Variants in PKD1 observed in about 807,000 individuals in gnomAD.
PKD1 encodes polycystin 1, transient receptor potential channel interacting, also known as polycystin-1.
Under a neutral mutation model 361.7 loss-of-function variants are expected in PKD1, and 81 were observed. The observed-to-expected ratio is 0.22, with a 90% confidence interval of 0.19 to 0.27. The LOEUF (loss-of-function observed/expected upper bound fraction) is 0.27, where lower values mean the gene tolerates loss of function less well. PKD1 is among the 10% of genes least tolerant of loss of function. The pLI is 1.00. For missense variants in PKD1, 6,399 were observed against 6,118.3 expected, an observed-to-expected ratio of 1.05 and a Z score of -1.53; for synonymous variants, 3,615 against 2,818.3, an observed-to-expected ratio of 1.28 and a Z score of -8.95.
rs2092133873 is a variant in PKD1 at position 2,102,419 on chromosome 16, G to A, written c.9163C>T (p.Leu3055Phe). 2.6e-6 allele frequency: 4 copies of A among 1,552,656 alleles called. 1 individual carries two copies. In the South Asian group the frequency reaches 3.5e-5, roughly 14 times the overall value. ...TRHLTAFGAS[L>F]FVPPSHVRFV... Reference sequence around the variant, plus strand: ...CGGACATGGCTTGGGGGCACGAAGAGGCTGGCGCCGAAGGCGGTGAGGTGG... The same window carrying A: ...CGGACATGGCTTGGGGGCACGAAGAAGCTGGCGCCGAAGGCGGTGAGGTGG... Residue 3055 changes from leucine to phenylalanine, a missense_variant, in exon 25 of 46, where the codon CTC (leucine) becomes TTC (phenylalanine). Leu to Phe is a conservative substitution (Grantham distance 22). Transcript: ENST00000262304.
intron 34 of PKD1, among the ~76,000 whole-genome samples, chr16:2,095,857 G>A (rs574303529): frequency 4.8e-4 from 73 of 152,322 alleles, no homozygotes; most frequent in African/African-American, 1.5e-3. Context: ...GCTTTGGGCC[G>A]GAGATACCTG....
intron 16 of PKD1, chr16:2,107,495 C>T (rs548192824): frequency 2.1e-5 from 8 of 379,024 alleles, no homozygotes; most frequent in Admixed American, 3.9e-5. Context: ...GCAGCCACCA[C>T]GGGCTCAGGG....
Position 2,110,241 on chromosome 16 carries a change from G to C in PKD1, c.4926C>G (p.Arg1642=), listed in dbSNP as rs758591904. ...IEGLQVVGGG[R]YFPTNHTVQL... ...GTACCGTGTGGTTGGTGGGGAAGTA[G>C]CGGCCACCGCCCACCACCTGCAGCC... The change falls in exon 15 of 46, where the codon CGC becomes CGG. Residue 1642 remains arginine (R), a synonymous_variant. Transcript: ENST00000262304. 6.2e-7 allele frequency: 1 copy of C among 1,612,060 alleles called. No individual in the cohort carries two copies. Among genetic ancestry groups the C allele is most frequent in the Non-Finnish European group, 8.5e-7 (1 of 1,179,696 alleles).
Position 2,102,892 on chromosome 16 carries a change from C to A in PKD1, c.8870G>T (p.Cys2957Phe), listed in dbSNP as rs2092155699. Residue 2957 changes from cysteine to phenylalanine, a missense_variant, in exon 24 of 46, where the codon TGC (cysteine) becomes TTC (phenylalanine). Cys to Phe is a radical substitution (Grantham distance 205, BLOSUM62 -2). Coordinates refer to ENST00000262304, the MANE Select transcript of PKD1 (RefSeq NM_001009944.3). The stretch of plus-strand genomic sequence containing the variant: ...TGGGCGGATCCTCCTGCTAGCCGAG[C>A]AGTTGTGCTCATTGGGCCGGGGCTC... The part of the protein sequence containing the change: ...HSEPRPNEHN[C>F]SASRRIRPES... 2 of 1,610,100 alleles carry A rather than the reference C, an allele frequency of 1.2e-6. No individual in the cohort carries two copies. Among genetic ancestry groups the A allele is most frequent in the African/African-American group, 2.7e-5 (2 of 74,990 alleles).
Position 2,091,470 on chromosome 16 carries a change from C to A in PKD1, c.11665G>T (p.Ala3889Ser), listed in dbSNP as rs1300036375. 1.4e-5 allele frequency: 19 copies of A among 1,328,698 alleles called. No homozygotes were observed. Among genetic ancestry groups the A allele is most frequent in the Non-Finnish European group, 1.8e-5 (19 of 1,044,072 alleles). 82.3% of individuals were successfully genotyped at this position (1,328,698 alleles called of 1,614,324 possible). The change falls in exon 42 of 46, where the codon GCG becomes TCG. Residue 3889 changes from alanine to serine, a missense_variant. Transcript: ENST00000262304. ...ALAALSVRPF[A>S]LRRLSAGLSL... Reference sequence around the variant, plus strand: ...AGGCCCGCGCTGAGGCGGCGCAGCGCAAAGGGGCGGACGCTGAGGGCGGCC... The same window carrying A: ...AGGCCCGCGCTGAGGCGGCGCAGCGAAAAGGGGCGGACGCTGAGGGCGGCC...
At chr16:2,091,369 G>C (rs1368382047) in intron 42 of PKD1, 54 bp downstream of exon 42, 10 of 1,006,116 alleles carry the variant, frequency 9.9e-6, no homozygotes, top group Non-Finnish European at 1.2e-5. Flanking sequence ...GGCCCCGCGA[G>C]GGGGCGGGAC....
rs540447857 is a variant in PKD1, at chr16:2,097,138, G to A, written c.10499+10C>T. 7.0e-5 allele frequency: 96 copies of A among 1,361,862 alleles called. No homozygotes were observed. In the East Asian group the frequency reaches 2.3e-3, roughly 33 times the overall value. 84.4% of individuals were successfully genotyped at this position (1,361,862 alleles called of 1,614,324 possible). On this transcript the variant is annotated intron_variant, in intron 34 of 45. Coordinates refer to ENST00000262304, the MANE Select transcript of PKD1 (RefSeq NM_001009944.3). ...GGCAATCCCCCCTCCCCCGAGAGCC[G>A]GACACTCACAGGCTGCTGAGCAGGT...
At position 2,114,444 on chromosome 16, in the gene PKD1, C is replaced by T. The variant is rs540303695; in HGVS notation, c.2579G>A (p.Arg860His). ...GGCGCTGACACTGCCCCCAGGCCAG[C>T]GAGCCGTGGCCGTGGCGTTGGCACC... ...DSGANATATARWPGGSVSARF... is the reference protein window; with the variant it reads ...DSGANATATAHWPGGSVSARF... Residue 860 changes from arginine to histidine, a missense_variant, in exon 11 of 46, where the codon CGC becomes CAC. Coordinates refer to ENST00000262304, the MANE Select transcript of PKD1 (RefSeq NM_001009944.3). 17 of 1,598,084 alleles carry T rather than the reference C, an allele frequency of 1.1e-5. No homozygotes were observed. Among genetic ancestry groups the T allele is most frequent in the African/African-American group, 5.3e-5 (4 of 74,958 alleles).
In PKD1 at chr16:2,088,894, C is replaced by CT; in HGVS notation, c.*832_*833insA. 1.2e-5 allele frequency: 5 copies of CT among 432,274 alleles called. No homozygotes were observed. Among genetic ancestry groups the CT allele is most frequent in the Admixed American group, 3.9e-5 (1 of 25,746 alleles). The allele number at this position is 432,274 out of a possible 1,614,324, so 26.8% of individuals were successfully genotyped here. On this transcript the variant is annotated 3_prime_UTR_variant, in exon 46 of 46. Coordinates refer to ENST00000262304, the MANE Select transcript of PKD1 (RefSeq NM_001009944.3). Reference sequence around the variant, plus strand: ...GCGTGCGCGCGCGCACACACACACACACACAGTCACCTTCCTCCACCCTGG... The same window carrying CT: ...GCGTGCGCGCGCGCACACACACACACTACACAGTCACCTTCCTCCACCCTGG...
intron 1 of PKD1, chr16:2,123,347 C>A (rs1260722669): frequency 5.5e-6 from 2 of 366,002 alleles, no homozygotes; most frequent in Middle Eastern, 6.8e-4. Flanking sequence ...GGTGTGGAAG[C>A]GTCTGCCCTG....
Position 2,103,266 on chromosome 16 carries a change from C to T in PKD1, c.8791G>A (p.Gly2931Ser), listed in dbSNP as rs142733588. 147 of 1,609,522 alleles carry T rather than the reference C, an allele frequency of 9.1e-5. No individual in the cohort carries two copies. The highest frequency in any genetic ancestry group is 4.5e-4 in the Middle Eastern group (2 of 4,426). ...CGTGTGCCCCACCCGCTGCACGCACCGTCCAGCAGCGTATAGTTGAGCTGC... is the reference window on the plus strand; with the variant it reads ...CGTGTGCCCCACCCGCTGCACGCACTGTCCAGCAGCGTATAGTTGAGCTGC... ...HLQLNYTLLD[G>S]HYLSEEPEPY... Residue 2931 changes from glycine to serine, a missense_variant and splice_region_variant, in exon 23 of 46, where the codon GGC becomes AGC. Gly to Ser is a moderately conservative substitution (Grantham distance 56). Transcript: ENST00000262304.
In PKD1 at chr16:2,117,572, C is replaced by A; in HGVS notation, c.1302G>T (p.Glu434Asp). ...CGGCCCCGGCCCAGGCCTGACACTG[C>A]TCCTGCGCCTGCAGCCAGGCCGCCT... ...VEKAAWLQAQ[E>D]QCQAWAGAAL... The change falls in exon 6 of 46, where the codon GAG (glutamate) becomes GAT (aspartate). Residue 434 changes from glutamate to aspartate, a missense_variant. By Grantham distance (45) the Glu-to-Asp change is conservative. Coordinates refer to ENST00000262304, the MANE Select transcript of PKD1 (RefSeq NM_001009944.3). 6.2e-7 allele frequency: 1 copy of A among 1,607,190 alleles called. No individual in the cohort carries two copies. Among genetic ancestry groups the A allele is most frequent in the Non-Finnish European group, 8.5e-7 (1 of 1,178,098 alleles).
Position 2,088,892 on chromosome 16 carries a change from C to G in PKD1, c.*835G>C. On this transcript the variant is annotated 3_prime_UTR_variant, in exon 46 of 46. Coordinates refer to ENST00000262304, the MANE Select transcript of PKD1 (RefSeq NM_001009944.3). ...GCGCGTGCGCGCGCGCACACACACA[C>G]ACACACAGTCACCTTCCTCCACCCT... 1.1e-5 allele frequency: 5 copies of G among 445,944 alleles called. No individual in the cohort carries two copies. The highest frequency in any genetic ancestry group is 3.9e-5 in the Admixed American group (1 of 25,904). 27.6% of individuals were successfully genotyped at this position (445,944 alleles called of 1,614,324 possible). A position where few individuals can be genotyped will look rare whatever the true frequency, so the allele number is the denominator to read the frequency against.
In PKD1 at chr16:2,114,290, C is replaced by G; in HGVS notation, c.2733G>C (p.Val911=). The G allele has an allele frequency of 1.9e-6, 3 of 1,610,480 alleles. No individual in the cohort carries two copies. Among genetic ancestry groups the G allele is most frequent in the Non-Finnish European group, 2.5e-6 (3 of 1,179,672 alleles). ...WLSEGEHVVD[V]VVENSASRAN... The stretch of plus-strand genomic sequence containing the variant: ...CCCGGCTGGCGCTGTTTTCCACCAC[C>G]ACGTCCACCACGTGCTCCCCCTCAC... Residue 911 remains valine (V), a synonymous_variant, in exon 11 of 46, where the codon GTG becomes GTC. Coordinates refer to ENST00000262304, the MANE Select transcript of PKD1 (RefSeq NM_001009944.3).
intron 1 of PKD1, among the ~76,000 whole-genome samples, chr16:2,130,921 G>A (rs1267799485): frequency 6.6e-6 from 1 of 152,186 alleles, no homozygotes; most frequent in African/African-American, 2.4e-5. Context: ...GCAGACCCAG[G>A]TGACCCCCAG....
In PKD1 at chr16:2,107,344, T is replaced by C. The variant is rs3952943; in HGVS notation, c.7066-396A>G. On this transcript the variant is annotated intron_variant, in intron 16 of 45. Coordinates refer to ENST00000262304, the MANE Select transcript of PKD1 (RefSeq NM_001009944.3). ...CAGGGCCTGGGTCAGGAGGCTGAGC[T>C]GGGATGGAACCTGCTCCCACACCCT... The C allele has an allele frequency of 4.0e-3, 1,498 of 374,912 alleles. 9 individuals carry two copies. The highest frequency in any genetic ancestry group is 0.017 in the African/African-American group (808 of 47,798). 23.2% of individuals were successfully genotyped at this position (374,912 alleles called of 1,614,324 possible). A position where few individuals can be genotyped will look rare whatever the true frequency, so the allele number is the denominator to read the frequency against.
intron 1 of PKD1, chr16:2,132,072 GA>G (rs2092888800): frequency 6.6e-6 from 1 of 151,582 alleles, no homozygotes; most frequent in South Asian, 2.1e-4. Context: ...CCAACGTGGA[GA>G]AACCCCGTCT....
In PKD1 at chr16:2,108,888, G is replaced by C. The variant is rs1391723764; in HGVS notation, c.6279C>G (p.His2093Gln). The change falls in exon 15 of 46, where the codon CAC becomes CAG. Residue 2093 changes from histidine to glutamine, a missense_variant. Transcript: ENST00000262304. ...CTGGCGACCCATCCCCAAAGTCCCA[G>C]TGGTAGGCCACACGCCGGGGGCTGG... ...TSPSPRRVAY[H>Q]WDFGDGSPGQ... 1.9e-6 allele frequency: 3 copies of C among 1,580,750 alleles called. No individual in the cohort carries two copies. The highest frequency in any genetic ancestry group is 2.6e-6 in the Non-Finnish European group (3 of 1,164,824).
intron 6 of PKD1, among the ~76,000 whole-genome samples, chr16:2,117,278 T>A (rs933312076): frequency 1.7e-4 from 26 of 152,286 alleles, no homozygotes; most frequent in African/African-American, 6.0e-4. Context: ...CCGTATGGCG[T>A]GCCCAGGAGT....
Sources: gnomAD v4.1 joint callset for allele counts (sites outside exome capture counted in the v4.1 genomes callset) on GRCh38, gnomAD v4.1.1 for gene constraint, MANE v1.5 for transcripts, NCBI Gene and HGNC (gene_info 2026-07-23, HGNC 2026-07-21) for gene names.